Variants in DOCK10 observed in about 807,000 individuals in gnomAD.
The protein encoded by DOCK10 is dedicator of cytokinesis 10.
In DOCK10, 145 loss-of-function variants were observed where a neutral mutation model predicts 280.1. The ratio of observed to expected loss-of-function variants is 0.52; its 90% CI spans 0.45 to 0.59. The LOEUF (loss-of-function observed/expected upper bound fraction) is 0.59. DOCK10 is among the 20% of genes least tolerant of loss of function. The pLI, the probability that DOCK10 is intolerant of heterozygous loss-of-function variation, is 0.00. For synonymous variants in DOCK10, 915 were observed against 942.2 expected (o/e 0.97, Z 0.53); for missense variants, 2,368 against 2,651.7 (o/e 0.89, Z 2.35).
intron 7 of DOCK10, among the ~76,000 whole-genome samples, chr2:224,882,677 C>T (rs929217770): frequency 6.6e-6 from 1 of 152,194 alleles, no homozygotes; most frequent in Non-Finnish European, 1.5e-5. Context: ...GAGGCAGAGA[C>T]GTTGTTCCTC....
At chr2:224,894,221 T>A (rs1399969131) in intron 4 of DOCK10, among the ~76,000 whole-genome samples, 1 of 152,216 alleles carries the variant, frequency 6.6e-6, no homozygotes, top group African/African-American at 2.4e-5. Flanking sequence ...TAAGCAATAA[T>A]GTCCGGGATT....
chr2:224,982,267 G>A lies in DOCK10; in HGVS notation c.124-50599C>T, dbSNP rs554195162. On this transcript the variant is annotated intron_variant, in intron 1 of 55. Coordinates refer to ENST00000258390, the MANE Select transcript of DOCK10 (RefSeq NM_014689.3). ...CGTCACTTTCCAGAGGCAAAATTTC[G>A]TGGGATGGTTCCTCTTGGCGTCGTC... 1.2e-5 allele frequency: 15 copies of A among 1,231,972 alleles called. No homozygotes were observed. The South Asian group carries it at 4.9e-4, about 41-fold the overall frequency. 76.3% of individuals were successfully genotyped at this position (1,231,972 alleles called of 1,614,324 possible). A position where few individuals can be genotyped will look rare whatever the true frequency, so the allele number is the denominator to read the frequency against.
chr2:224,932,541 T>C (rs922948602), intron 1 of DOCK10, among the ~76,000 whole-genome samples: 2 of 152,210 alleles, frequency 1.3e-5, no homozygotes, highest in African/African-American at 4.8e-5. Flanking sequence ...ACCCTTTTGA[T>C]GAAGCATTTA....
chr2:224,824,387 G>A (rs965400287), intron 27 of DOCK10, among the ~76,000 whole-genome samples: 5 of 149,244 alleles, frequency 3.4e-5, no homozygotes, highest in African/African-American at 1.2e-4. Context: ...TGCATATGAG[G>A]GGAACATTTG....
intron 1 of DOCK10, among the ~76,000 whole-genome samples, chr2:224,997,653 A>G (rs1706312261): frequency 6.6e-6 from 1 of 152,060 alleles, no homozygotes; most frequent in Non-Finnish European, 1.5e-5. Flanking sequence ...GTACCTGCTG[A>G]TGGAGGGCGG....
intron 1 of DOCK10, among the ~76,000 whole-genome samples, chr2:224,947,760 A>G (rs1703508676): frequency 6.6e-6 from 1 of 152,164 alleles, no homozygotes; most frequent in Non-Finnish European, 1.5e-5. Flanking sequence ...ACTGACACGT[A>G]ACACAACTGT....
chr2:224,982,205 A>T, intron 1 of DOCK10: 1 of 1,231,706 alleles, frequency 8.1e-7, no homozygotes. Flanking sequence ...CGGATACCAT[A>T]CCATTATGAT....
At chr2:224,820,775 G>A (rs936506834) in intron 28 of DOCK10, among the ~76,000 whole-genome samples, 2 of 152,176 alleles carry the variant, frequency 1.3e-5, no homozygotes, top group African/African-American at 4.8e-5. Flanking sequence ...ATCCTTATCT[G>A]ATATTTAGAG....
At chr2:224,811,637 T>G (rs1475157511) in intron 31 of DOCK10, among the ~76,000 whole-genome samples, 1 of 152,262 alleles carries the variant, frequency 6.6e-6, no homozygotes. Flanking sequence ...TGTAAGTCTT[T>G]AATCCATCTT....
At chr2:224,780,667 C>A (rs143541267) in intron 50 of DOCK10, among the ~76,000 whole-genome samples, 206 of 152,064 alleles carry the variant, frequency 1.4e-3, no homozygotes, top group African/African-American at 4.5e-3. Flanking sequence ...TTTGGGAGTC[C>A]GAGGTGGGCG....
At chr2:224,990,647 G>C (rs574353348) in intron 1 of DOCK10, among the ~76,000 whole-genome samples, 2 of 152,004 alleles carry the variant, frequency 1.3e-5, no homozygotes, top group African/African-American at 4.8e-5. Flanking sequence ...TTCTTTTCCC[G>C]GAGACACATA....
chr2:224,815,231 C>T (rs1694057281), intron 30 of DOCK10, among the ~76,000 whole-genome samples: 1 of 152,150 alleles, frequency 6.6e-6, no homozygotes, highest in Non-Finnish European at 1.5e-5. Flanking sequence ...AAGGTCCTTA[C>T]TTCCCCTTCA....
rs79949711 is a variant in DOCK10 at position 224,796,939 on chromosome 2, A to G, written c.4827+25T>C. 2,277 of 1,604,540 alleles carry G rather than the reference A, an allele frequency of 1.4e-3. 24 individuals are homozygous for G. The African/African-American group carries it at 0.028, about 19-fold the overall frequency. The stretch of plus-strand genomic sequence containing the variant: ...ACAGATCAGTGGTTTTAACAACAGC[A>G]TTAATGAAAATTGGCAGCACTTACT... On this transcript the variant is annotated intron_variant, in intron 43 of 55. Transcript: ENST00000258390.
At chr2:224,941,391 TGTTGG>T (rs1703061797) in intron 1 of DOCK10, among the ~76,000 whole-genome samples, 1 of 152,166 alleles carries the variant, frequency 6.6e-6, no homozygotes, top group African/African-American at 2.4e-5. Context: ...CTTCACTCCC[TGTTGG>T]GAGGATTCTG....
At chr2:224,942,926 G>T (rs981785139) in intron 1 of DOCK10, among the ~76,000 whole-genome samples, 2 of 152,126 alleles carry the variant, frequency 1.3e-5, no homozygotes, top group African/African-American at 4.8e-5. Context: ...TTTTATGACT[G>T]TGCAGATGAT....
At chr2:224,984,840 CTTTT>C (rs35558535) in intron 1 of DOCK10, among the ~76,000 whole-genome samples, 2 of 99,930 alleles carry the variant, frequency 2.0e-5, no homozygotes, top group Non-Finnish European at 4.3e-5. Flanking sequence ...ACACAGGAAA[CTTTT>C]TTTTTTTTTT....
chr2:224,815,751 C>T (rs1234070862), intron 30 of DOCK10, among the ~76,000 whole-genome samples: 3 of 151,938 alleles, frequency 2.0e-5, no homozygotes, highest in Non-Finnish European at 4.4e-5. Flanking sequence ...AAATATGCCT[C>T]TCAGCTGGGT....
At chr2:224,955,225 G>A (rs1465691210) in intron 1 of DOCK10, among the ~76,000 whole-genome samples, 1 of 152,236 alleles carries the variant, frequency 6.6e-6, no homozygotes, top group Admixed American at 6.5e-5. Flanking sequence ...CACATTGTAT[G>A]TAAGTTTTGT....
intron 4 of DOCK10, among the ~76,000 whole-genome samples, chr2:224,890,278 G>A (rs1444830497): frequency 1.3e-5 from 2 of 152,148 alleles, no homozygotes. Context: ...GCCAGGCGTC[G>A]CATTAATGTA....
Sources: allele counts gnomAD v4.1 joint callset (sites outside exome capture counted in the v4.1 genomes callset), GRCh38; gene constraint gnomAD v4.1.1; transcripts MANE v1.5; gene names NCBI Gene and HGNC (gene_info 2026-07-23, HGNC 2026-07-21).